BCL2L13: variants seen among roughly 807,000 people sequenced by gnomAD.
BCL2L13 encodes the protein BCL2 like 13.
In BCL2L13, 13 loss-of-function variants were observed where a neutral mutation model predicts 25.8. That is an observed-to-expected ratio of 0.50 (90% confidence interval 0.33 to 0.80). The LOEUF (loss-of-function observed/expected upper bound fraction) is 0.80. BCL2L13 is among the 30% of genes least tolerant of loss of function. The pLI, the probability that BCL2L13 is intolerant of heterozygous loss-of-function variation, is 0.02. For missense variants in BCL2L13, 504 were observed against 574.9 expected (o/e 0.88, Z 1.26); for synonymous variants, 244 against 230.3 (o/e 1.06, Z -0.54).
intron 6 of BCL2L13, among the ~76,000 whole-genome samples, chr22:17,722,525 AACC>A (rs2061175780): frequency 6.6e-6 from 1 of 152,062 alleles, no homozygotes; most frequent in Admixed American, 6.6e-5. Context: ...TACAGGTATG[AACC>A]ACTGTGCCCA....
chr22:17,653,019 C>T (rs150297094), intron 1 of BCL2L13, among the ~76,000 whole-genome samples: 2,256 of 151,994 alleles, frequency 0.015, 55 homozygotes, highest in African/African-American at 0.05. Context: ...GAGCCGAGAT[C>T]GCGCCACTGC....
At position 17,643,830 on chromosome 22, in the gene BCL2L13, G is replaced by A. The variant is rs142629091; in HGVS notation, c.-51+4944G>A. ...GGGTTTCACCGTGTTAGCCAGGATG[G>A]TCTCGATCTCCTGATCTTGTGATCC... On this transcript the variant is annotated intron_variant, in intron 1 of 6. Coordinates refer to ENST00000317582, the MANE Select transcript of BCL2L13 (RefSeq NM_015367.4). Among the ~76,000 whole-genome samples the A allele has an allele frequency of 2.2e-4, 33 of 151,534 alleles. No homozygotes were observed. The East Asian group carries it at 5.5e-3, about 25-fold the overall frequency.
chr22:17,655,923 C>G (rs906669081), intron 2 of BCL2L13, 91 bp downstream of exon 2: 6 of 1,285,002 alleles, frequency 4.7e-6, no homozygotes, highest in East Asian at 5.2e-5. Flanking sequence ...GTGTGGTTAT[C>G]AAATAGTACT....
intron 2 of BCL2L13, among the ~76,000 whole-genome samples, chr22:17,677,297 CGTA>C (rs2059602827): frequency 6.6e-6 from 1 of 152,148 alleles, no homozygotes; most frequent in Non-Finnish European, 1.5e-5. Context: ...ATCTGTGATA[CGTA>C]AAAATGTTTA....
At chr22:17,676,830 T>G (rs1000329281) in intron 2 of BCL2L13, among the ~76,000 whole-genome samples, 3 of 152,348 alleles carry the variant, frequency 2.0e-5, no homozygotes, top group African/African-American at 7.2e-5. Context: ...AGGTAGACTT[T>G]TATGCTTTAT....
chr22:17,668,409 G>GA (rs1392278065), intron 2 of BCL2L13, among the ~76,000 whole-genome samples: 5 of 151,136 alleles, frequency 3.3e-5, no homozygotes, highest in Non-Finnish European at 5.9e-5. Flanking sequence ...TTCCTTCTGA[G>GA]AATTTTATAG....
chr22:17,715,157 TA>T (rs2060900559), intron 6 of BCL2L13, among the ~76,000 whole-genome samples: 2 of 5,428 alleles, frequency 3.7e-4, no homozygotes, highest in African/African-American at 7.1e-4. Flanking sequence ...TATATATATA[TA>T]TATATATATA....
chr22:17,688,171 G>C (rs2060001166), intron 3 of BCL2L13, among the ~76,000 whole-genome samples: 1 of 152,072 alleles, frequency 6.6e-6, no homozygotes, highest in Non-Finnish European at 1.5e-5. Context: ...TGCCCAGGCT[G>C]GTCTCGAACT....
upstream of BCL2L13, among the ~76,000 whole-genome samples, chr22:17,636,504 A>G (rs1016460189): frequency 1.3e-4 from 20 of 151,710 alleles, no homozygotes; most frequent in Non-Finnish European, 2.7e-4. Context: ...AAAAAAATAA[A>G]TAAGACCAGG....
intron 1 of BCL2L13, among the ~76,000 whole-genome samples, chr22:17,633,324 T>C (rs546251411): frequency 6.6e-6 from 1 of 152,302 alleles, no homozygotes; most frequent in Non-Finnish European, 1.5e-5. Flanking sequence ...CTGAAAAGAA[T>C]GTAAGCTTTA....
At chr22:17,653,326 T>C (rs542195114) in intron 1 of BCL2L13, among the ~76,000 whole-genome samples, 2 of 152,222 alleles carry the variant, frequency 1.3e-5, no homozygotes, top group African/African-American at 4.8e-5. Context: ...AGTTAACCAA[T>C]AGATCTTTGA....
chr22:17,719,153 CAAAAAAAAA>C (rs59630355), intron 6 of BCL2L13, among the ~76,000 whole-genome samples: 1 of 45,496 alleles, frequency 2.2e-5, no homozygotes, highest in Non-Finnish European at 4.0e-5. Context: ...GGCTCTGTCT[CAAAAAAAAA>C]AAAAAAAAAA....
chr22:17,671,872 C>A (rs1480030719), intron 2 of BCL2L13, among the ~76,000 whole-genome samples: 1 of 152,160 alleles, frequency 6.6e-6, no homozygotes, highest in Non-Finnish European at 1.5e-5. Context: ...CGCCATCACG[C>A]CCAGCCAATT....
chr22:17,724,997 G>A lies in BCL2L13; in HGVS notation c.601-1680G>A, dbSNP rs114346835. Among the ~76,000 whole-genome samples the A allele has an allele frequency of 4.0e-3, 610 of 152,104 alleles. 3 individuals are homozygous for A. Among genetic ancestry groups the A allele is most frequent in the African/African-American group, 0.014 (588 of 41,412 alleles). On this transcript the variant is annotated intron_variant, in intron 6 of 6. Transcript: ENST00000317582. ...TGTAAGAATAGACCCATTCTTTCTC[G>A]TAGCCCTTGTGCCTGACACAACCCT...
intron 2 of BCL2L13, among the ~76,000 whole-genome samples, chr22:17,678,538 A>T (rs1412020432): frequency 6.6e-6 from 1 of 152,100 alleles, no homozygotes; most frequent in Non-Finnish European, 1.5e-5. Context: ...TAACTTCTTT[A>T]TGGTAGTGGT....
At chr22:17,703,166 T>TACACACACACAC (rs1306835928) in intron 6 of BCL2L13, 11 of 128,530 alleles carry the variant, frequency 8.6e-5, no homozygotes, top group African/African-American at 3.9e-4. Flanking sequence ...CAACAAAATA[T>TACACACACACAC]ATATATACAC....
intron 6 of BCL2L13, among the ~76,000 whole-genome samples, chr22:17,721,144 T>C (rs1445675029): frequency 1.3e-5 from 2 of 150,104 alleles, no homozygotes; most frequent in African/African-American, 2.5e-5. Context: ...TACTCCAGCC[T>C]GGGGGACAGG....
rs183369212 is a variant in BCL2L13 at position 17,650,572 on chromosome 22, C to A, written c.-50-5090C>A. On this transcript the variant is annotated intron_variant, in intron 1 of 6. Transcript: ENST00000317582. ...AAGACTGAAAATTTACTGAGCCTTA[C>A]CTTCTATAGTCTGTAGTCTAAAAAT... 3.2e-3 allele frequency among the ~76,000 whole-genome samples: 490 copies of A among 152,218 alleles called. 4 individuals are homozygous for A. The highest frequency in any genetic ancestry group is 4.4e-3 in the Admixed American group (67 of 15,272).
chr22:17,664,208 CT>C (rs1432400116), intron 2 of BCL2L13, among the ~76,000 whole-genome samples: 1 of 152,130 alleles, frequency 6.6e-6, no homozygotes, highest in African/African-American at 2.4e-5. Flanking sequence ...TGGTCTCGAA[CT>C]CCTGACCTCA....
Sources: gnomAD v4.1 joint callset for allele counts (sites outside exome capture counted in the v4.1 genomes callset) on GRCh38, gnomAD v4.1.1 for gene constraint, MANE v1.5 for transcripts, NCBI Gene and HGNC (gene_info 2026-07-23, HGNC 2026-07-21) for gene names.